The following HSD17B4 variants were observed in gnomAD, a reference collection of about 807,000 sequenced individuals.
HSD17B4 encodes hydroxysteroid 17-beta dehydrogenase 4, also known as peroxisomal multifunctional enzyme type 2.
A neutral mutation model predicts 101.0 loss-of-function variants in HSD17B4; 70 were observed. That is an observed-to-expected ratio of 0.69 (90% CI 0.57 to 0.85). The LOEUF is 0.85. Among genes scored for constraint, HSD17B4 ranks in the 40% least tolerant of loss-of-function variants. The pLI is 0.00. For synonymous variants in HSD17B4, 347 were observed against 297.1 expected, an observed-to-expected ratio of 1.17 and a Z score of -1.73; for missense variants, 984 against 892.4, an observed-to-expected ratio of 1.10 and a Z score of -1.31.
intron 1 of HSD17B4, chr5:119,452,946 C>T (rs930225956): frequency 4.6e-6 from 5 of 1,096,364 alleles, no homozygotes; most frequent in Non-Finnish European, 6.6e-6. Flanking sequence ...TATCTGTGGG[C>T]ATCGATTGTT....
At chr5:119,491,966 G>T (rs1447537395) in intron 9 of HSD17B4, 134 bp from the exon 10 acceptor site, 2 of 776,884 alleles carry the variant, frequency 2.6e-6, no homozygotes, top group African/African-American at 3.4e-5. Context: ...CTCTTACAGA[G>T]CTGTATTATT....
At chr5:119,474,338 G>T in intron 3 of HSD17B4, 63 bp from the exon 4 acceptor site, 2 of 985,418 alleles carry the variant, frequency 2.0e-6, no homozygotes, top group Admixed American at 1.7e-5. Context: ...CTGACCCACA[G>T]AATTTAGAAG....
chr5:119,525,827 A>G, intron 18 of HSD17B4, 90 bp from the exon 19 acceptor site: 1 of 793,228 alleles, frequency 1.3e-6, no homozygotes, highest in Non-Finnish European at 2.3e-6. Context: ...AATGCAGTCT[A>G]AGGACATTTT....
chr5:119,486,469 C>T (rs564457540), intron 8 of HSD17B4, among the ~76,000 whole-genome samples: 1 of 152,068 alleles, frequency 6.6e-6, no homozygotes, highest in African/African-American at 2.4e-5. Flanking sequence ...CATTCCCTTA[C>T]CTTTAATTTT....
intron 17 of HSD17B4, 80 bp downstream of exon 17, chr5:119,515,126 A>T: frequency 1.2e-6 from 1 of 805,328 alleles, no homozygotes; most frequent in South Asian, 1.3e-5. Flanking sequence ...ACCTTATAAC[A>T]TTATGCATCT....
intron 2 of HSD17B4, among the ~76,000 whole-genome samples, chr5:119,460,944 A>T (rs366568): frequency 0.33 from 49,893 of 151,704 alleles, 9,172 homozygotes; most frequent in East Asian, 0.82. Context: ...AGGCTGCAGC[A>T]GGCATGGTAT....
chr5:119,460,441 C>T (rs1015927037), intron 2 of HSD17B4, among the ~76,000 whole-genome samples: 55 of 152,164 alleles, frequency 3.6e-4, no homozygotes, highest in Non-Finnish European at 4.7e-4. Context: ...CCCTTGGATA[C>T]CTCCATGACT....
At chr5:119,503,759 T>A (rs1751406702) in intron 14 of HSD17B4, among the ~76,000 whole-genome samples, 1 of 152,094 alleles carries the variant, frequency 6.6e-6, no homozygotes, top group African/African-American at 2.4e-5. Flanking sequence ...TTTTTTTGGT[T>A]TTATATAAAC....
chr5:119,476,697 C>G, intron 6 of HSD17B4: 3 of 985,490 alleles, frequency 3.0e-6, no homozygotes, highest in Non-Finnish European at 3.6e-6. Context: ...TATGTTGGTG[C>G]TTTTCTTGGT....
intron 11 of HSD17B4, among the ~76,000 whole-genome samples, chr5:119,495,384 T>C (rs752741699): frequency 8.5e-5 from 13 of 152,212 alleles, no homozygotes; most frequent in Non-Finnish European, 1.9e-4. Flanking sequence ...TTTTAAAAAA[T>C]GATCTTTTCG....
At chr5:119,493,604 T>C in intron 10 of HSD17B4, 1 of 501,338 alleles carries the variant, frequency 2.0e-6, no homozygotes, top group Non-Finnish European at 3.6e-6. Context: ...GGAGAAATTT[T>C]TCCCTTCAGC....
chr5:119,523,272 T>A (rs1250419349), intron 17 of HSD17B4, among the ~76,000 whole-genome samples: 1 of 152,202 alleles, frequency 6.6e-6, no homozygotes. Context: ...CAGATTATCC[T>A]CCCACCTACT....
chr5:119,485,794 C>G (rs966775318), intron 8 of HSD17B4, among the ~76,000 whole-genome samples: 24 of 152,122 alleles, frequency 1.6e-4, no homozygotes, highest in Non-Finnish European at 3.2e-4. Context: ...TAATGAGTAT[C>G]CAGGAACTAA....
intron 8 of HSD17B4, among the ~76,000 whole-genome samples, chr5:119,488,045 A>T (rs186795849): frequency 8.9e-4 from 135 of 152,320 alleles, no homozygotes; most frequent in African/African-American, 3.1e-3. Flanking sequence ...ACTTTAACAC[A>T]TTAATACAAA....
chr5:119,511,637 G>A lies in HSD17B4; in HGVS notation c.1437+2393G>A, dbSNP rs192804199. ...TCAAAGAGAGCCTGCTAAAACCAGTGTCATCGTAGGGTGACTGCACCTACT... is the reference window on the plus strand; with the variant it reads ...TCAAAGAGAGCCTGCTAAAACCAGTATCATCGTAGGGTGACTGCACCTACT... On this transcript the variant is annotated intron_variant, in intron 16 of 23. Coordinates refer to ENST00000510025, the MANE Select transcript of HSD17B4 (RefSeq NM_000414.4). Among the ~76,000 whole-genome samples the A allele has an allele frequency of 8.3e-4, 127 of 152,192 alleles. 1 individual carries two copies. The highest frequency in any genetic ancestry group is 2.8e-3 in the African/African-American group (115 of 41,504).
intron 14 of HSD17B4, among the ~76,000 whole-genome samples, chr5:119,504,962 G>T (rs1751511989): frequency 6.6e-6 from 1 of 152,012 alleles, no homozygotes; most frequent in Non-Finnish European, 1.5e-5. Flanking sequence ...TCATTTTTCT[G>T]CATATGGCTA....
rs972777592 is a variant in HSD17B4, at chr5:119,493,764, A to T, written c.740-54A>T. 1.7e-5 allele frequency: 27 copies of T among 1,555,238 alleles called. No homozygotes were observed. The African/African-American group carries it at 2.7e-4, about 16-fold the overall frequency. ...AAATGAAAGGGTTCTTATGCATCTTACTTTCTGTCTCTCAACTATGTGCTC... is the reference window on the plus strand; with the variant it reads ...AAATGAAAGGGTTCTTATGCATCTTTCTTTCTGTCTCTCAACTATGTGCTC... On this transcript the variant is annotated intron_variant, in intron 10 of 23. Transcript: ENST00000510025.
chr5:119,541,947 C>T lies in HSD17B4; in HGVS notation c.2164C>T (p.Leu722=). 2 of 1,613,218 alleles carry T rather than the reference C, an allele frequency of 1.2e-6. No homozygotes were observed. The highest frequency in any genetic ancestry group is 1.7e-6 in the Non-Finnish European group (2 of 1,179,478). Residue 722 remains leucine, a synonymous_variant, in exon 24 of 24, where the codon CTG becomes TTG. Transcript: ENST00000510025. ...GCTGAAGGCCAGAGGGAACATCATGCTGAGCCAGAAACTTCAGATGATTCT... is the reference window on the plus strand; with the variant it reads ...GCTGAAGGCCAGAGGGAACATCATGTTGAGCCAGAAACTTCAGATGATTCT... ...GRLKARGNIM[L]SQKLQMILKD... is the part of the protein sequence containing the mutation.
intron 2 of HSD17B4, among the ~76,000 whole-genome samples, chr5:119,470,791 C>G (rs888790866): frequency 6.6e-6 from 1 of 152,182 alleles, no homozygotes; most frequent in African/African-American, 2.4e-5. Flanking sequence ...TTGGGCACCT[C>G]TAGTTGGCCA....
Sources: gnomAD v4.1 joint callset for allele counts (sites outside exome capture counted in the v4.1 genomes callset) on GRCh38, gnomAD v4.1.1 for gene constraint, MANE v1.5 for transcripts, NCBI Gene and HGNC (gene_info 2026-07-23, HGNC 2026-07-21) for gene names.